Variants in MAN2A1 observed in about 807,000 individuals in gnomAD.
The protein encoded by MAN2A1 is mannosidase alpha class 2A member 1.
MAN2A1 carries 76 observed loss-of-function variants against 142.6 expected under a neutral mutation model. The ratio of observed to expected loss-of-function variants is 0.53; its 90% CI spans 0.44 to 0.65. The LOEUF (loss-of-function observed/expected upper bound fraction) is 0.65, where lower values mean the gene tolerates loss of function less well. Ranked by LOEUF, MAN2A1 falls within the 30% of genes least tolerant of loss-of-function variation. MAN2A1 has a pLI of 0.00. For missense variants in MAN2A1, 1,311 were observed against 1,365.1 expected (o/e 0.96, Z 0.62); for synonymous variants, 559 against 473.2 (o/e 1.18, Z -2.35).
rs775035996 is a variant in MAN2A1, at chr5:109,690,046, C to T, written c.-372C>T. 7.2e-5 allele frequency: 16 copies of T among 221,086 alleles called. No individual in the cohort carries two copies. The highest frequency in any genetic ancestry group is 1.6e-4 in the Admixed American group (3 of 18,808). The allele number at this position is 221,086 out of a possible 1,614,324, so 13.7% of individuals were successfully genotyped here. ...TCGTCGAGAAAACTTTTCCTGCCGA[C>T]TCAGTTGGGGCGGCGGTGGCAGGAA... is the stretch of plus-strand genomic sequence containing the variant. On this transcript the variant is annotated 5_prime_UTR_variant, in exon 1 of 22. Coordinates refer to ENST00000261483, the MANE Select transcript of MAN2A1 (RefSeq NM_002372.4).
intron 16 of MAN2A1, chr5:109,840,403 T>C (rs1430802941): frequency 2.5e-6 from 1 of 394,576 alleles, no homozygotes; most frequent in Non-Finnish European, 5.0e-6. Context: ...TGGTAATGAT[T>C]CCTCCTACAG....
intron 17 of MAN2A1, among the ~76,000 whole-genome samples, chr5:109,844,836 G>T (rs573374964): frequency 2.0e-5 from 3 of 152,116 alleles, no homozygotes; most frequent in Non-Finnish European, 4.4e-5. Context: ...CAGTCATTAG[G>T]TTAGGTCCCA....
chr5:109,731,631 G>A (rs1038386164), intron 4 of MAN2A1, among the ~76,000 whole-genome samples: 1 of 150,242 alleles, frequency 6.7e-6, no homozygotes, highest in Non-Finnish European at 1.5e-5. Context: ...TTGTCCTTGC[G>A]ATAATTTGCT....
Position 109,729,527 on chromosome 5 carries a change from C to T in MAN2A1, c.707+14C>T. 1 of 1,415,456 alleles carries T rather than the reference C, an allele frequency of 7.1e-7. No individual in the cohort carries two copies. The highest frequency in any genetic ancestry group is 9.4e-7 in the Non-Finnish European group (1 of 1,067,688). 87.7% of individuals were successfully genotyped at this position (1,415,456 alleles called of 1,614,324 possible). ...TGCTGTTAAAAGGTTTGTTTTAAAACTTTTTTGGAATTTGGTAATATTAAA... is the reference window on the plus strand; with the variant it reads ...TGCTGTTAAAAGGTTTGTTTTAAAATTTTTTTGGAATTTGGTAATATTAAA... On this transcript the variant is annotated intron_variant, in intron 4 of 21. Transcript: ENST00000261483.
At chr5:109,844,356 T>C (rs1755293649) in intron 17 of MAN2A1, among the ~76,000 whole-genome samples, 1 of 152,190 alleles carries the variant, frequency 6.6e-6, no homozygotes, top group African/African-American at 2.4e-5. Context: ...GCTCCACCAG[T>C]GGGGAATCGG....
intron 4 of MAN2A1, among the ~76,000 whole-genome samples, chr5:109,750,756 GT>G (rs1752523156): frequency 6.6e-6 from 1 of 151,946 alleles, no homozygotes; most frequent in Non-Finnish European, 1.5e-5. Context: ...TTATGAGCTG[GT>G]TTTAAGTCAC....
intron 4 of MAN2A1, among the ~76,000 whole-genome samples, chr5:109,750,613 G>A (rs569375801): frequency 6.6e-6 from 1 of 152,168 alleles, no homozygotes; most frequent in African/African-American, 2.4e-5. Flanking sequence ...CTATTATGAT[G>A]TCATTTATAT....
At chr5:109,753,562 G>T (rs1423525344) in intron 4 of MAN2A1, among the ~76,000 whole-genome samples, 18 of 152,156 alleles carry the variant, frequency 1.2e-4, no homozygotes, top group Admixed American at 1.2e-3. Flanking sequence ...TTTAATTTTT[G>T]CAGGGAATTT....
chr5:109,771,747 G>A (rs190609123), intron 7 of MAN2A1, among the ~76,000 whole-genome samples: 107 of 152,182 alleles, frequency 7.0e-4, no homozygotes, highest in African/African-American at 2.6e-3. Context: ...GTGTAGGTGG[G>A]CAAATAGCTG....
chr5:109,800,187 A>T (rs374051862), intron 12 of MAN2A1, among the ~76,000 whole-genome samples: 94 of 152,068 alleles, frequency 6.2e-4, no homozygotes, highest in African/African-American at 2.1e-3. Context: ...CATTTGCCTG[A>T]TAAATTTCTG....
intron 1 of MAN2A1, among the ~76,000 whole-genome samples, chr5:109,691,747 T>G (rs1582789903): frequency 6.6e-6 from 1 of 152,222 alleles, no homozygotes; most frequent in African/African-American, 2.4e-5. Context: ...TTAAAAATCT[T>G]GCTGCAGAGA....
At chr5:109,727,669 T>G (rs1277435965) in intron 3 of MAN2A1, among the ~76,000 whole-genome samples, 1 of 152,204 alleles carries the variant, frequency 6.6e-6, no homozygotes, top group East Asian at 1.9e-4. Context: ...TTTACCTAAT[T>G]TAATTGTACA....
At chr5:109,862,897 G>C (rs1755791409) in intron 20 of MAN2A1, 1 of 152,160 alleles carries the variant, frequency 6.6e-6, no homozygotes, top group Admixed American at 6.6e-5. Flanking sequence ...TTTTCTATCA[G>C]TGAAAGTTAA....
chr5:109,785,365 A>G (rs1176994947), intron 10 of MAN2A1, among the ~76,000 whole-genome samples: 1 of 148,260 alleles, frequency 6.7e-6, no homozygotes, highest in African/African-American at 2.5e-5. Context: ...TTTTTTTTTT[A>G]AGAGGCATAT....
intron 12 of MAN2A1, among the ~76,000 whole-genome samples, chr5:109,814,363 T>C (rs1269475543): frequency 6.6e-6 from 1 of 152,200 alleles, no homozygotes; most frequent in Admixed American, 6.5e-5. Context: ...CCAAATGTGA[T>C]GACAATGAAA....
chr5:109,746,097 C>T (rs1752396933), intron 4 of MAN2A1, among the ~76,000 whole-genome samples: 1 of 152,188 alleles, frequency 6.6e-6, no homozygotes, highest in South Asian at 2.1e-4. Flanking sequence ...GCCTCAGCCT[C>T]CCGAGTAGCT....
chr5:109,819,290 G>C (rs1406331545), intron 13 of MAN2A1, among the ~76,000 whole-genome samples: 1 of 152,072 alleles, frequency 6.6e-6, no homozygotes, highest in Non-Finnish European at 1.5e-5. Flanking sequence ...TTTGACTTAC[G>C]ATATTTTCAA....
At chr5:109,828,321 A>C (rs1754812332) in intron 16 of MAN2A1, among the ~76,000 whole-genome samples, 2 of 152,292 alleles carry the variant, frequency 1.3e-5, no homozygotes, top group South Asian at 4.1e-4. Flanking sequence ...TGAAGCTTTA[A>C]ACATTACCAT....
At chr5:109,738,993 C>A (rs1158907900) in intron 4 of MAN2A1, among the ~76,000 whole-genome samples, 1 of 152,022 alleles carries the variant, frequency 6.6e-6, no homozygotes, top group Non-Finnish European at 1.5e-5. Flanking sequence ...CAGGCGCACA[C>A]CACCACGGTG....
Sources: gnomAD v4.1 joint callset for allele counts (sites outside exome capture counted in the v4.1 genomes callset) on GRCh38, gnomAD v4.1.1 for gene constraint, MANE v1.5 for transcripts, NCBI Gene and HGNC (gene_info 2026-07-23, HGNC 2026-07-21) for gene names.